PCDHA13: variants seen among roughly 807,000 people sequenced by gnomAD.
The protein encoded by PCDHA13 is protocadherin alpha 13, also known as protocadherin alpha-13.
A neutral mutation model predicts 64.8 loss-of-function variants in PCDHA13; 54 were observed. The observed-to-expected ratio is 0.83, with a 90% confidence interval of 0.67 to 1.04. The LOEUF (loss-of-function observed/expected upper bound fraction) is 1.04. Ranked by LOEUF, PCDHA13 falls within the 50% of genes least tolerant of loss-of-function variation. The pLI is 0.00. For missense variants in PCDHA13, 1,248 were observed against 1,254.3 expected (o/e 0.99, Z 0.08); for synonymous variants, 587 against 564.4 (o/e 1.04, Z -0.57).
At chr5:140,943,726 A>G (rs181662166) in intron 1 of PCDHA13, among the ~76,000 whole-genome samples, 8 of 152,372 alleles carry the variant, frequency 5.3e-5, no homozygotes, top group Middle Eastern at 3.4e-3. Flanking sequence ...GTCTGAGAGA[A>G]TGAAAGTCCA....
At chr5:141,005,470 G>A (rs1563690887) in intron 3 of PCDHA13, among the ~76,000 whole-genome samples, 1 of 151,836 alleles carries the variant, frequency 6.6e-6, no homozygotes, top group South Asian at 2.1e-4. Context: ...TTGGGAGGCC[G>A]AGACGGGCGG....
rs367854871 is a variant in PCDHA13, at chr5:140,883,702, T to C, written c.1434T>C (p.Ser478=). Residue 478 remains serine (S), a synonymous_variant, in exon 1 of 4, where the codon TCT becomes TCC. Coordinates refer to ENST00000289272, the MANE Select transcript of PCDHA13 (RefSeq NM_018904.3). ...NPPGCHIFTV[S]AQDADAQENA... is the part of the protein sequence containing the mutation. The stretch of plus-strand genomic sequence containing the variant: ...CGGGCTGCCACATCTTCACGGTGTC[T>C]GCTCAGGACGCGGACGCACAGGAGA... 80 of 1,613,632 alleles carry C rather than the reference T, an allele frequency of 5.0e-5. No individual in the cohort carries two copies. The highest frequency in any genetic ancestry group is 6.6e-5 in the South Asian group (6 of 91,068).
intron 2 of PCDHA13, among the ~76,000 whole-genome samples, chr5:140,981,687 ATCATTCAT>A (rs200213847): frequency 3.3e-5 from 5 of 151,972 alleles, no homozygotes; most frequent in South Asian, 2.1e-4. Flanking sequence ...CCTCCCTTCC[ATCATTCAT>A]TCATTCATTC....
intron 1 of PCDHA13, among the ~76,000 whole-genome samples, chr5:140,936,969 A>G (rs1391736933): frequency 2.0e-5 from 3 of 152,202 alleles, no homozygotes; most frequent in African/African-American, 7.2e-5. Context: ...ATCTATAAAA[A>G]TATGAAGCTT....
At chr5:140,899,251 G>A (rs1322090098) in intron 1 of PCDHA13, among the ~76,000 whole-genome samples, 1 of 152,082 alleles carries the variant, frequency 6.6e-6, no homozygotes, top group Non-Finnish European at 1.5e-5. Flanking sequence ...GTGAGAGAGG[G>A]CATCCCTGTC....
At chr5:140,938,187 C>A (rs1584944424) in intron 1 of PCDHA13, among the ~76,000 whole-genome samples, 1 of 152,276 alleles carries the variant, frequency 6.6e-6, no homozygotes, top group Non-Finnish European at 1.5e-5. Context: ...CTCAAGCAAT[C>A]CTCCCACGCC....
chr5:140,896,390 C>A, intron 1 of PCDHA13, among the ~76,000 whole-genome samples: 1 of 152,124 alleles, frequency 6.6e-6, no homozygotes, highest in Non-Finnish European at 1.5e-5. Flanking sequence ...ACCTCACCAG[C>A]ATCTGTTATT....
At position 140,884,651 on chromosome 5, in the gene PCDHA13, T is replaced by C; in HGVS notation, c.2383T>C (p.Cys795Arg). Residue 795 changes from cysteine (C) to arginine (R), a missense_variant, in exon 1 of 4, where the codon TGC (cysteine) becomes CGC (arginine). Transcript: ENST00000289272. The stretch of plus-strand genomic sequence containing the variant: ...AGGCCAGAGGGAGGAGGACTCAGAA[T>C]GCTTGAAAGAGGTAAGCTTATATTT... ...GTGQREEDSECLKEPRQPNPD... is the reference protein window; with the variant it reads ...GTGQREEDSERLKEPRQPNPD... 6.2e-7 allele frequency: 1 copy of C among 1,604,404 alleles called. No individual in the cohort carries two copies.
Position 140,936,624 on chromosome 5 carries a change from C to T in PCDHA13, c.2395-42325C>T, listed in dbSNP as rs186958884. On this transcript the variant is annotated intron_variant, in intron 1 of 3. Coordinates refer to ENST00000289272, the MANE Select transcript of PCDHA13 (RefSeq NM_018904.3). Reference sequence around the variant, plus strand: ...TCCTCGCTGCTACTGTGCAGTGCTACCTTTGTCATAAGCAACGTGACTTTA... The same window carrying T: ...TCCTCGCTGCTACTGTGCAGTGCTATCTTTGTCATAAGCAACGTGACTTTA... 2.3e-3 allele frequency among the ~76,000 whole-genome samples: 345 copies of T among 152,302 alleles called. 2 individuals are homozygous for T. Among genetic ancestry groups the T allele is most frequent in the South Asian group, 2.5e-3 (12 of 4,824 alleles).
Position 140,883,138 on chromosome 5 carries a change from A to G in PCDHA13, c.870A>G (p.Val290=), listed in dbSNP as rs967946520. Residue 290 remains valine (V), a synonymous_variant, in exon 1 of 4, where the codon GTA becomes GTG. Coordinates refer to ENST00000289272, the MANE Select transcript of PCDHA13 (RefSeq NM_018904.3). ...SFRRPVWPAV[V]YAFTINPNNG... is the part of the protein sequence containing the mutation. Reference sequence around the variant, plus strand: ...GAAGGCCTGTATGGCCTGCAGTGGTATATGCATTTACCATAAATCCGAACA... The same window carrying G: ...GAAGGCCTGTATGGCCTGCAGTGGTGTATGCATTTACCATAAATCCGAACA... 1.9e-6 allele frequency: 3 copies of G among 1,614,120 alleles called. No individual in the cohort carries two copies. The highest frequency in any genetic ancestry group is 2.5e-6 in the Non-Finnish European group (3 of 1,180,034).
At chr5:141,005,633 C>T (rs1292206901) in intron 3 of PCDHA13, among the ~76,000 whole-genome samples, 2 of 126,368 alleles carry the variant, frequency 1.6e-5, no homozygotes. Context: ...ACCCGGGAGG[C>T]GGAGCTTGCA....
At chr5:140,961,347 T>TTGAGAGACCAA (rs2095606709) in intron 1 of PCDHA13, among the ~76,000 whole-genome samples, 1 of 152,216 alleles carries the variant, frequency 6.6e-6, no homozygotes, top group South Asian at 2.1e-4. Flanking sequence ...AGTGGATCCC[T>TTGAGAGACCAA]GTAGTCCCCA....
At chr5:140,924,725 C>T (rs1015635507) in intron 1 of PCDHA13, among the ~76,000 whole-genome samples, 71 of 151,698 alleles carry the variant, frequency 4.7e-4, no homozygotes, top group African/African-American at 1.6e-3. Flanking sequence ...CGAAACCTCA[C>T]CTCTAATAAA....
At chr5:140,983,228 A>T (rs1012242202) in intron 3 of PCDHA13, among the ~76,000 whole-genome samples, 4 of 152,240 alleles carry the variant, frequency 2.6e-5, no homozygotes, top group Non-Finnish European at 4.4e-5. Context: ...CCAAACTTTC[A>T]GGAAAGAGAA....
intron 1 of PCDHA13, among the ~76,000 whole-genome samples, chr5:140,914,155 A>G (rs1432406316): frequency 6.6e-6 from 1 of 152,188 alleles, no homozygotes; most frequent in Admixed American, 6.5e-5. Flanking sequence ...GTTCTGTCCA[A>G]TACGGAAAGT....
chr5:140,937,950 T>C (rs1483679576), intron 1 of PCDHA13, among the ~76,000 whole-genome samples: 1 of 152,164 alleles, frequency 6.6e-6, no homozygotes, highest in African/African-American at 2.4e-5. Flanking sequence ...AATTGGCTTT[T>C]GTTGAAAGTA....
chr5:140,882,511 T>C lies in PCDHA13; in HGVS notation c.243T>C (p.Asn81=), dbSNP rs782672669. The C allele has an allele frequency of 1.2e-6, 2 of 1,614,128 alleles. No homozygotes were observed. The highest frequency in any genetic ancestry group is 3.3e-5 in the Admixed American group (2 of 60,024). ...ACCTTCTGGAGGTAAATCTGCAGAATGGCATTTTGTTTGTGAATTCTCGGA... is the reference window on the plus strand; with the variant it reads ...ACCTTCTGGAGGTAAATCTGCAGAACGGCATTTTGTTTGTGAATTCTCGGA... ...HGDLLEVNLQ[N]GILFVNSRID... The change falls in exon 1 of 4, where the codon AAT becomes AAC. Residue 81 remains asparagine, a synonymous_variant. Transcript: ENST00000289272.
intron 1 of PCDHA13, among the ~76,000 whole-genome samples, chr5:140,908,585 G>A (rs782742805): frequency 3.9e-5 from 6 of 152,160 alleles, no homozygotes; most frequent in South Asian, 4.1e-4. Flanking sequence ...AGAGTAGTTA[G>A]CTGCAGAAGA....
At chr5:140,895,341 T>C (rs996566433) in intron 1 of PCDHA13, among the ~76,000 whole-genome samples, 5 of 152,186 alleles carry the variant, frequency 3.3e-5, no homozygotes, top group African/African-American at 1.2e-4. Flanking sequence ...TGTTTTACTA[T>C]GCTTTCCAGT....
Sources: allele counts gnomAD v4.1 joint callset (sites outside exome capture counted in the v4.1 genomes callset), GRCh38; gene constraint gnomAD v4.1.1; transcripts MANE v1.5; gene names NCBI Gene and HGNC (gene_info 2026-07-23, HGNC 2026-07-21).